MGST1: variants seen among roughly 807,000 people sequenced by gnomAD.
MGST1 encodes microsomal glutathione S-transferase 1.
A neutral mutation model predicts 8.9 loss-of-function variants in MGST1; 5 were observed. The observed-to-expected ratio is 0.56, with a 90% CI of 0.29 to 1.19. MGST1 has a LOEUF of 1.19. Among genes scored for constraint, MGST1 ranks in the 50% most tolerant of loss-of-function variants. The pLI is 0.08. For missense variants in MGST1, 182 were observed against 187.4 expected (o/e 0.97, Z 0.17); for synonymous variants, 54 against 67.8 (o/e 0.80, Z 1.00).
chr12:16,361,476 A>G lies in MGST1; in HGVS notation c.222-2319A>G, dbSNP rs1294138597. Among the ~76,000 whole-genome samples the G allele has an allele frequency of 3.9e-5, 6 of 152,274 alleles. No individual in the cohort carries two copies. The highest frequency in any genetic ancestry group is 1.4e-4 in the African/African-American group (6 of 41,556). On this transcript the variant is annotated intron_variant, in intron 3 of 3. Transcript: ENST00000396210. The surrounding 1 kb of genome is among the most constrained non-coding windows in gnomAD (Gnocchi z 4.2). The stretch of plus-strand genomic sequence containing the variant: ...TAATCATGGGGAAGAAGGGTAATAG[A>G]CCCAGGTAGAAAGTGGACTCTTAGG...
downstream of MGST1, chr12:16,438,825 CACCTACTGT>C (rs1941013601): frequency 6.6e-6 from 1 of 151,866 alleles, no homozygotes; most frequent in South Asian, 2.1e-4. Flanking sequence ...GAGCTGGCTG[CACCTACTGT>C]ACATAAAACA....
At chr12:16,364,447 CAA>C, downstream of MGST1, 4 of 961,060 alleles carry the variant, frequency 4.2e-6, no homozygotes, top group Non-Finnish European at 5.0e-6. This position sits in a 1 kb window ranked among gnomAD's most constrained non-coding sequence, Gnocchi z 5.7. Context: ...ATTTTATTTT[CAA>C]AAGTTTCAAA....
At chr12:16,380,560 C>T (rs1341750528), downstream of MGST1, among the ~76,000 whole-genome samples, 2 of 152,062 alleles carry the variant, frequency 1.3e-5, no homozygotes, top group African/African-American at 4.8e-5. Context: ...GCTTTACTTC[C>T]AACTATGTGG....
intron 4 of MGST1, among the ~76,000 whole-genome samples, chr12:16,468,477 CACTG>C (rs1941269440): frequency 6.6e-6 from 1 of 152,278 alleles, no homozygotes; most frequent in South Asian, 2.1e-4. Flanking sequence ...CAAGAAATGA[CACTG>C]AGTACTCATC....
chr12:16,542,679 C>A (rs544824060), intron 4 of MGST1, among the ~76,000 whole-genome samples: 59 of 152,250 alleles, frequency 3.9e-4, no homozygotes, highest in African/African-American at 1.4e-3. Flanking sequence ...AGATGCTTAA[C>A]TCTTTCTTTG....
chr12:16,571,337 T>G (rs1942806994), intron 4 of MGST1, among the ~76,000 whole-genome samples: 1 of 152,126 alleles, frequency 6.6e-6, no homozygotes, highest in Admixed American at 6.6e-5. Context: ...AAGCATATTC[T>G]ATTTGGTCAC....
rs573979587 is a variant in MGST1, at chr12:16,347,810, G to C, written c.-23+100G>C. 159 of 152,466 alleles carry C rather than the reference G, an allele frequency of 1.0e-3. No individual in the cohort carries two copies. The highest frequency in any genetic ancestry group is 3.3e-3 in the Middle Eastern group (1 of 300). The allele number at this position is 152,466 out of a possible 1,614,324, so 9.4% of individuals were successfully genotyped here. On this transcript the variant is annotated intron_variant, in intron 1 of 3. Coordinates refer to ENST00000396210, the MANE Select transcript of MGST1 (RefSeq NM_020300.5). This position sits in a 1 kb window ranked among gnomAD's most constrained non-coding sequence, Gnocchi z 4.0. ...GGAAGACTTGGGGGGGTCTCTGCCAGCTGGAAGTGCTTGGCTCCACTTAGC... is the reference window on the plus strand; with the variant it reads ...GGAAGACTTGGGGGGGTCTCTGCCACCTGGAAGTGCTTGGCTCCACTTAGC...
At chr12:16,514,955 C>T (rs1197209905) in intron 4 of MGST1, among the ~76,000 whole-genome samples, 4 of 152,188 alleles carry the variant, frequency 2.6e-5, no homozygotes, top group Non-Finnish European at 1.5e-5. Context: ...AAAGTCATCA[C>T]ACAAGGAAAC....
chr12:16,431,260 T>G (rs1381963517), intron 1 of MGST1, among the ~76,000 whole-genome samples: 1 of 152,190 alleles, frequency 6.6e-6, no homozygotes, highest in Non-Finnish European at 1.5e-5. Flanking sequence ...ATATCAGCAA[T>G]TAGGCTGTTT....
At chr12:16,434,562 G>A (rs1276971442) in intron 1 of MGST1, among the ~76,000 whole-genome samples, 1 of 151,956 alleles carries the variant, frequency 6.6e-6, no homozygotes, top group African/African-American at 2.4e-5. Flanking sequence ...GACTTGGTAA[G>A]TCCCTAGATG....
chr12:16,410,243 T>C lies in MGST1; in HGVS notation n.778+26639T>C, dbSNP rs1416792160. Among the ~76,000 whole-genome samples the C allele has an allele frequency of 6.6e-6, 1 of 152,166 alleles. No homozygotes were observed. The highest frequency in any genetic ancestry group is 1.5e-5 in the Non-Finnish European group (1 of 68,034). The stretch of plus-strand genomic sequence containing the variant: ...TCTGCTCTTTGACATTTTAAGATGA[T>C]TTACCATATTTAAAATCTATCATTT... On this transcript the variant is annotated intron_variant and non_coding_transcript_variant, in intron 1 of 1. Coordinates refer to the MGST1 transcript ENST00000359720. The surrounding 1 kb of genome is among the most constrained non-coding windows in gnomAD (Gnocchi z 4.4).
intron 1 of MGST1, among the ~76,000 whole-genome samples, chr12:16,436,610 G>T (rs1324525832): frequency 1.3e-5 from 2 of 151,856 alleles, no homozygotes; most frequent in Non-Finnish European, 2.9e-5. Context: ...ATAAATAAAA[G>T]ATAATGATAA....
chr12:16,527,115 A>G (rs1325973389), intron 4 of MGST1, among the ~76,000 whole-genome samples: 2 of 151,972 alleles, frequency 1.3e-5, no homozygotes, highest in Admixed American at 1.3e-4. Context: ...CATCAATACA[A>G]ATACCCAGTT....
chr12:16,415,023 T>G (rs1038133011), intron 1 of MGST1, among the ~76,000 whole-genome samples: 3 of 152,052 alleles, frequency 2.0e-5, no homozygotes, highest in Non-Finnish European at 4.4e-5. Context: ...AAACTTCGCC[T>G]CAAAAAATTT....
At chr12:16,469,178 CTTTTTTTT>C (rs11292991) in intron 4 of MGST1, among the ~76,000 whole-genome samples, 3 of 77,520 alleles carry the variant, frequency 3.9e-5, no homozygotes, top group Non-Finnish European at 2.3e-5. Flanking sequence ...TGCTCTATTC[CTTTTTTTT>C]TTTTTTTTTT....
At chr12:16,476,383 T>G (rs1467274131) in intron 4 of MGST1, among the ~76,000 whole-genome samples, 3 of 152,220 alleles carry the variant, frequency 2.0e-5, no homozygotes, top group African/African-American at 7.2e-5. Context: ...TATATGCTAC[T>G]TATTCCCATG....
intron 1 of MGST1, among the ~76,000 whole-genome samples, chr12:16,351,660 A>G (rs1331204774): frequency 6.6e-6 from 1 of 152,084 alleles, no homozygotes; most frequent in Non-Finnish European, 1.5e-5. Context: ...AAATACAAAA[A>G]TTAGCCAGGT....
intron 1 of MGST1, among the ~76,000 whole-genome samples, chr12:16,412,662 A>C (rs1017949657): frequency 8.5e-5 from 13 of 152,138 alleles, no homozygotes; most frequent in Non-Finnish European, 1.8e-4. Context: ...ATGGTAGTGA[A>C]TAAATCTCAT....
Position 16,363,667 on chromosome 12 carries a change from AAAAT to A in MGST1, c.222-123_222-120del. 2.6e-6 allele frequency: 2 copies of A among 782,530 alleles called. No homozygotes were observed. The highest frequency in any genetic ancestry group is 3.7e-6 in the Non-Finnish European group (2 of 538,902). The allele number at this position is 782,530 out of a possible 1,614,324, so 48.5% of individuals were successfully genotyped here. ...GGAAGCAAGACAATTTGAGAGAAAAAAAATAAATCTTACTTTGAAATTTAAGGAT... is the reference window on the plus strand; with the variant it reads ...GGAAGCAAGACAATTTGAGAGAAAAAAAATCTTACTTTGAAATTTAAGGAT... On this transcript the variant is annotated intron_variant, in intron 3 of 3. Coordinates refer to ENST00000396210, the MANE Select transcript of MGST1 (RefSeq NM_020300.5). The surrounding 1 kb of genome is among the most constrained non-coding windows in gnomAD (Gnocchi z 4.6).
Sources: allele counts gnomAD v4.1 joint callset (sites outside exome capture counted in the v4.1 genomes callset), GRCh38; gene constraint gnomAD v4.1.1; non-coding constraint Gnocchi (gnomAD v3.1); transcripts MANE v1.5; gene names NCBI Gene and HGNC (gene_info 2026-07-23, HGNC 2026-07-21).